CEBPG: variants seen among roughly 807,000 people sequenced by gnomAD.
CEBPG encodes CCAAT enhancer binding protein gamma, also known as CCAAT/enhancer-binding protein gamma.
In CEBPG, 6 loss-of-function variants were observed where a neutral mutation model predicts 11.1. That is an observed-to-expected ratio of 0.54 (90% confidence interval 0.30 to 1.07). CEBPG has a LOEUF of 1.07. Ranked by LOEUF, CEBPG falls within the 50% of genes least tolerant of loss-of-function variation. CEBPG has a pLI of 0.07. For synonymous variants in CEBPG, 66 were observed against 71.0 expected, an observed-to-expected ratio of 0.93 and a Z score of 0.36; for missense variants, 161 against 187.4, an observed-to-expected ratio of 0.86 and a Z score of 0.82.
In CEBPG at chr19:33,379,186, G is replaced by C; in HGVS notation, c.-54G>C. On this transcript the variant is annotated 5_prime_UTR_variant, in exon 2 of 2. Transcript: ENST00000284000. ...TTGGCAGCTTAGCGTGGAAACCATT[G>C]ATCACCCTGCTCTCATTTCTACCTG... The C allele has an allele frequency of 6.8e-7, 1 of 1,463,074 alleles. No individual in the cohort carries two copies. The highest frequency in any genetic ancestry group is 9.1e-7 in the Non-Finnish European group (1 of 1,099,444). 90.6% of individuals were successfully genotyped at this position (1,463,074 alleles called of 1,614,324 possible).
rs1967957348 is a variant in CEBPG at position 33,379,477 on chromosome 19, C to T, written c.238C>T (p.Arg80Trp). The T allele has an allele frequency of 4.3e-6, 7 of 1,613,824 alleles. No homozygotes were observed. The highest frequency in any genetic ancestry group is 3.4e-6 in the Non-Finnish European group (4 of 1,179,956). ...GAACAACATGGCTGTGAAAAAGAGC[C>T]GGTTGAAAAGCAAGCAGAAAGCACA... The part of the protein sequence containing the change: ...ERNNMAVKKS[R>W]LKSKQKAQDT... Residue 80 changes from arginine (R) to tryptophan (W), a missense_variant, in exon 2 of 2, where the codon CGG becomes TGG. By Grantham distance (101) the Arg-to-Trp change is moderately radical. Coordinates refer to ENST00000284000, the MANE Select transcript of CEBPG (RefSeq NM_001806.4).
At chr19:33,374,120 G>A (rs143162462) in intron 1 of CEBPG, among the ~76,000 whole-genome samples, 19 of 149,494 alleles carry the variant, frequency 1.3e-4, no homozygotes, top group African/African-American at 4.4e-4. Flanking sequence ...CTCATTCCTG[G>A]CCGCGGCCCA....
intron 1 of CEBPG, among the ~76,000 whole-genome samples, chr19:33,375,040 A>G (rs1224003508): frequency 6.6e-6 from 1 of 152,208 alleles, no homozygotes; most frequent in African/African-American, 2.4e-5. Flanking sequence ...CTTCTGGAAA[A>G]AGTTGCTGTA....
At chr19:33,378,654 T>C (rs1432307203) in intron 1 of CEBPG, among the ~76,000 whole-genome samples, 3 of 152,176 alleles carry the variant, frequency 2.0e-5, no homozygotes, top group Non-Finnish European at 4.4e-5. Context: ...GATGACTCCC[T>C]CTCTGCATAT....
rs1015136756 is a variant in CEBPG at position 33,381,703 on chromosome 19, A to G, written c.*2011A>G. On this transcript the variant is annotated 3_prime_UTR_variant, in exon 2 of 2. Transcript: ENST00000284000. ...AATCTCTTGGGAATTCGATGCTCCCATGGAATTTATACCAGTTATATGAAT... is the reference window on the plus strand; with the variant it reads ...AATCTCTTGGGAATTCGATGCTCCCGTGGAATTTATACCAGTTATATGAAT... 2 of 167,124 alleles carry G rather than the reference A, an allele frequency of 1.2e-5. No homozygotes were observed. Among genetic ancestry groups the G allele is most frequent in the African/African-American group, 4.8e-5 (2 of 41,468 alleles). 10.4% of individuals were successfully genotyped at this position (167,124 alleles called of 1,614,324 possible).
In CEBPG at chr19:33,381,311, C is replaced by G. The variant is rs74790058; in HGVS notation, c.*1619C>G. 1 of 167,030 alleles carries G rather than the reference C, an allele frequency of 6.0e-6. No homozygotes were observed. Among genetic ancestry groups the G allele is most frequent in the Non-Finnish European group, 1.5e-5 (1 of 68,120 alleles). 10.3% of individuals were successfully genotyped at this position (167,030 alleles called of 1,614,324 possible). A position where few individuals can be genotyped will look rare whatever the true frequency, so the allele number is the denominator to read the frequency against. ...CTCCGGTTGGTGGAAGATTGCTGAC[C>G]GTGCCGTTTCTGGGCAGGAGAAGAC... On this transcript the variant is annotated 3_prime_UTR_variant, in exon 2 of 2. Transcript: ENST00000284000.
rs1967974998 is a variant in CEBPG, at chr19:33,380,672, C to T, written c.*980C>T. The T allele has an allele frequency of 6.0e-6, 1 of 167,018 alleles. No individual in the cohort carries two copies. The highest frequency in any genetic ancestry group is 2.4e-5 in the African/African-American group (1 of 41,566). The allele number at this position is 167,018 out of a possible 1,614,324, so 10.3% of individuals were successfully genotyped here. On this transcript the variant is annotated 3_prime_UTR_variant, in exon 2 of 2. Coordinates refer to ENST00000284000, the MANE Select transcript of CEBPG (RefSeq NM_001806.4). ...CTGTTACTTTTAAAGTCAAAATTTTCTTCTGAAGGCTCATTTTGGTATTTG... is the reference window on the plus strand; with the variant it reads ...CTGTTACTTTTAAAGTCAAAATTTTTTTCTGAAGGCTCATTTTGGTATTTG...
chr19:33,376,316 C>G (rs1052759912), intron 1 of CEBPG, among the ~76,000 whole-genome samples: 15 of 152,172 alleles, frequency 9.9e-5, no homozygotes, highest in African/African-American at 3.4e-4. Flanking sequence ...TTGTTTTACT[C>G]ATTCTAACAT....
chr19:33,376,426 C>A (rs539230436), intron 1 of CEBPG, among the ~76,000 whole-genome samples: 49 of 152,306 alleles, frequency 3.2e-4, no homozygotes, highest in African/African-American at 1.2e-3. Context: ...TCTCAATATT[C>A]ATTGGGAATC....
rs772339167 is a variant in CEBPG, at chr19:33,379,201, A to G, written c.-39A>G. ...GGAAACCATTGATCACCCTGCTCTC[A>G]TTTCTACCTGTTCTGTGTTGGCAAG... On this transcript the variant is annotated 5_prime_UTR_variant, in exon 2 of 2. Coordinates refer to ENST00000284000, the MANE Select transcript of CEBPG (RefSeq NM_001806.4). 23 of 1,499,780 alleles carry G rather than the reference A, an allele frequency of 1.5e-5. No individual in the cohort carries two copies. Among genetic ancestry groups the G allele is most frequent in the Non-Finnish European group, 5.3e-6 (6 of 1,123,268 alleles). The allele number at this position is 1,499,780 out of a possible 1,614,324, so 92.9% of individuals were successfully genotyped here.
chr19:33,374,274 A>T (rs551332047), intron 1 of CEBPG: 7 of 151,974 alleles, frequency 4.6e-5, no homozygotes, highest in African/African-American at 1.4e-4. Flanking sequence ...CCAGGCTCGC[A>T]TTGGCCCCTG....
chr19:33,379,101 C>G lies in CEBPG; in HGVS notation c.-96-43C>G, dbSNP rs1007178952. On this transcript the variant is annotated intron_variant, in intron 1 of 1. Transcript: ENST00000284000. Reference sequence around the variant, plus strand: ...ACGTACAAGTTTGATCTCATTTGATCCTGTCATTTCAAATATTTTAATGCA... The same window carrying G: ...ACGTACAAGTTTGATCTCATTTGATGCTGTCATTTCAAATATTTTAATGCA... 2.7e-5 allele frequency: 19 copies of G among 713,820 alleles called. No homozygotes were observed. The African/African-American group carries it at 2.9e-4, about 11-fold the overall frequency. The allele number at this position is 713,820 out of a possible 1,614,324, so 44.2% of individuals were successfully genotyped here.
chr19:33,376,155 G>A lies in CEBPG; in HGVS notation c.-97+2260G>A, dbSNP rs544252998. Among the ~76,000 whole-genome samples, 14 of 152,044 alleles carry A rather than the reference G, an allele frequency of 9.2e-5. 1 individual carries two copies. The South Asian group carries it at 2.9e-3, about 32-fold the overall frequency. ...ACATCTGTGACTATTTTGAAATGTT[G>A]ACCTTCATTGAGGAAATCGAGTGAA... is the stretch of plus-strand genomic sequence containing the variant. On this transcript the variant is annotated intron_variant, in intron 1 of 1. Coordinates refer to ENST00000284000, the MANE Select transcript of CEBPG (RefSeq NM_001806.4).
rs186192649 is a variant in CEBPG at position 33,382,669 on chromosome 19, A to G, written c.*2977A>G. On this transcript the variant is annotated 3_prime_UTR_variant, in exon 2 of 2. Transcript: ENST00000284000. ...TCTTTCAACAAATATAAAATAAAAAACAACTTTGGAACAATGACTTGTCTT... is the reference window on the plus strand; with the variant it reads ...TCTTTCAACAAATATAAAATAAAAAGCAACTTTGGAACAATGACTTGTCTT... The G allele has an allele frequency of 7.2e-5, 12 of 165,842 alleles. No homozygotes were observed. Among genetic ancestry groups the G allele is most frequent in the African/African-American group, 2.6e-4 (11 of 41,570 alleles). 10.3% of individuals were successfully genotyped at this position (165,842 alleles called of 1,614,324 possible). A position where few individuals can be genotyped will look rare whatever the true frequency, so the allele number is the denominator to read the frequency against.
At chr19:33,378,118 T>C (rs1363297891) in intron 1 of CEBPG, among the ~76,000 whole-genome samples, 1 of 152,242 alleles carries the variant, frequency 6.6e-6, no homozygotes, top group Non-Finnish European at 1.5e-5. Context: ...AGTGGCCTCA[T>C]GTTGATAGGA....
intron 1 of CEBPG, among the ~76,000 whole-genome samples, chr19:33,378,769 C>T (rs1191887022): frequency 6.6e-6 from 1 of 152,152 alleles, no homozygotes; most frequent in Non-Finnish European, 1.5e-5. Context: ...ACTTTTCCCC[C>T]CTTTCATTGC....
In CEBPG at chr19:33,380,960, A is replaced by AT. The variant is rs1367908510; in HGVS notation, c.*1273dup. ...TGCTGATAAAACTCAGGATATTGAC[A>AT]TTTTTGTTGAGACTAAAAAATGGCA... On this transcript the variant is annotated 3_prime_UTR_variant, in exon 2 of 2. Coordinates refer to ENST00000284000, the MANE Select transcript of CEBPG (RefSeq NM_001806.4). 1 of 167,042 alleles carries AT rather than the reference A, an allele frequency of 6.0e-6. No homozygotes were observed. Among genetic ancestry groups the AT allele is most frequent in the Non-Finnish European group, 1.5e-5 (1 of 68,114 alleles). The allele number at this position is 167,042 out of a possible 1,614,324, so 10.3% of individuals were successfully genotyped here. A position where few individuals can be genotyped will look rare whatever the true frequency, so the allele number is the denominator to read the frequency against.
intron 1 of CEBPG, 86 bp downstream of exon 1, chr19:33,373,981 C>T (rs1377869140): frequency 1.2e-4 from 18 of 150,270 alleles, no homozygotes; most frequent in Non-Finnish European, 2.7e-4. Flanking sequence ...GGGCCCGGCT[C>T]GGGGAAACCC....
Position 33,381,018 on chromosome 19 carries a change from A to T in CEBPG, c.*1326A>T, listed in dbSNP as rs1292553981. On this transcript the variant is annotated 3_prime_UTR_variant, in exon 2 of 2. Transcript: ENST00000284000. ...AAGTAGGGACTCTAGAGTCTGGCTT[A>T]CGTCAGTGTTGGTAGTTTAGATTGT... 6.0e-6 allele frequency: 1 copy of T among 167,048 alleles called. No homozygotes were observed. The highest frequency in any genetic ancestry group is 2.4e-5 in the African/African-American group (1 of 41,440). 10.3% of individuals were successfully genotyped at this position (167,048 alleles called of 1,614,324 possible).
Sources: gnomAD v4.1 joint callset for allele counts (sites outside exome capture counted in the v4.1 genomes callset) on GRCh38, gnomAD v4.1.1 for gene constraint, MANE v1.5 for transcripts, NCBI Gene and HGNC (gene_info 2026-07-23, HGNC 2026-07-21) for gene names.